The following PLEKHA5 variants were observed in gnomAD, a reference collection of about 807,000 sequenced individuals.
The protein encoded by PLEKHA5 is pleckstrin homology domain-containing family A member 5.
PLEKHA5 carries 55 observed loss-of-function variants against 181.9 expected under a neutral mutation model. The ratio of observed to expected loss-of-function variants is 0.30; its 90% CI spans 0.24 to 0.38. The LOEUF (loss-of-function observed/expected upper bound fraction) is 0.38. Ranked by LOEUF, PLEKHA5 falls within the 10% of genes least tolerant of loss-of-function variation. The probability of loss-of-function intolerance (pLI) is 1.00; values close to 1 mark genes in which losing one functional copy is unlikely to be tolerated. For missense variants in PLEKHA5, 1,432 were observed against 1,549.5 expected, an observed-to-expected ratio of 0.92 and a Z score of 1.27; for synonymous variants, 535 against 529.4, an observed-to-expected ratio of 1.01 and a Z score of -0.15.
chr12:19,252,930 T>C (rs900672187), intron 3 of PLEKHA5, among the ~76,000 whole-genome samples: 13 of 152,162 alleles, frequency 8.5e-5, no homozygotes, highest in South Asian at 6.2e-4. Context: ...AATGCACCCA[T>C]GTTGGACCAT....
At chr12:19,220,895 A>G (rs954138839) in intron 3 of PLEKHA5, among the ~76,000 whole-genome samples, 53 of 152,196 alleles carry the variant, frequency 3.5e-4, no homozygotes, top group African/African-American at 1.3e-3. Flanking sequence ...TGGCAAATGA[A>G]CATGCAAAAA....
At chr12:19,262,694 C>G (rs1720877576) in intron 7 of PLEKHA5, among the ~76,000 whole-genome samples, 1 of 152,164 alleles carries the variant, frequency 6.6e-6, no homozygotes, top group African/African-American at 2.4e-5. Flanking sequence ...AGAAGCCATG[C>G]TGATGGATAT....
rs112793196 is a variant in PLEKHA5, at chr12:19,365,141, G to A, written c.3609-823G>A. 2.6e-3 allele frequency among the ~76,000 whole-genome samples: 397 copies of A among 152,146 alleles called. 2 individuals carry two copies. Among genetic ancestry groups the A allele is most frequent in the African/African-American group, 9.2e-3 (381 of 41,508 alleles). On this transcript the variant is annotated intron_variant, in intron 29 of 31. Transcript: ENST00000429027. ...AATCCCACCACTTTGGGAGGCTGAG[G>A]TGGGCAGATCAAGAGGTCAGGAGAT... is the stretch of plus-strand genomic sequence containing the variant.
intron 3 of PLEKHA5, among the ~76,000 whole-genome samples, chr12:19,142,784 A>T (rs145595340): frequency 1.3e-5 from 2 of 152,130 alleles, no homozygotes; most frequent in Admixed American, 6.6e-5. Flanking sequence ...GTGTAACTCT[A>T]TACTCACTTT....
At position 19,299,371 on chromosome 12, in the gene PLEKHA5, C is replaced by A. The variant is rs28459883; in HGVS notation, c.2037+7674C>A. 5.8e-4 allele frequency among the ~76,000 whole-genome samples: 89 copies of A among 152,298 alleles called. 1 individual carries two copies. The highest frequency in any genetic ancestry group is 2.0e-3 in the African/African-American group (82 of 41,568). On this transcript the variant is annotated intron_variant, in intron 15 of 31. Transcript: ENST00000429027. ...CAGGAGAACAAAGGCTACCATAACACCTTATGTATATGAGATCCCTCATTA... is the reference window on the plus strand; with the variant it reads ...CAGGAGAACAAAGGCTACCATAACAACTTATGTATATGAGATCCCTCATTA...
chr12:19,358,078 G>A lies in PLEKHA5; in HGVS notation c.3139-150G>A, dbSNP rs529722419. The A allele has an allele frequency of 1.3e-5, 8 of 611,792 alleles. No homozygotes were observed. The East Asian group carries it at 1.9e-4, about 15-fold the overall frequency. The allele number at this position is 611,792 out of a possible 1,614,324, so 37.9% of individuals were successfully genotyped here. On this transcript the variant is annotated intron_variant, in intron 26 of 31. Coordinates refer to ENST00000429027, the MANE Select transcript of PLEKHA5 (RefSeq NM_001256470.2). ...TAAGGATCAAATAGCAATTTCATGTGCCTTTCTGGTGATATCTAAATGACA... is the reference window on the plus strand; with the variant it reads ...TAAGGATCAAATAGCAATTTCATGTACCTTTCTGGTGATATCTAAATGACA...
chr12:19,269,908 ATGG>A (rs2072041817), intron 9 of PLEKHA5, 23 bp downstream of exon 9: 1 of 1,241,418 alleles, frequency 8.1e-7, no homozygotes, highest in African/African-American at 1.5e-5. Context: ...AGAAAAAATG[ATGG>A]TGATTTCCAC....
At chr12:19,236,546 A>G (rs1333970928) in intron 3 of PLEKHA5, among the ~76,000 whole-genome samples, 1 of 152,090 alleles carries the variant, frequency 6.6e-6, no homozygotes, top group East Asian at 1.9e-4. Flanking sequence ...ACAAATATAT[A>G]TCATCTTGGA....
chr12:19,237,390 T>C (rs946281298), intron 3 of PLEKHA5, among the ~76,000 whole-genome samples: 1 of 152,114 alleles, frequency 6.6e-6, no homozygotes, highest in Non-Finnish European at 1.5e-5. Flanking sequence ...TATTGTTCCT[T>C]ATTTTTAACT....
intron 3 of PLEKHA5, among the ~76,000 whole-genome samples, chr12:19,216,335 G>A (rs1165823343): frequency 6.6e-6 from 1 of 152,076 alleles, no homozygotes; most frequent in African/African-American, 2.4e-5. Context: ...GTGATTCTTA[G>A]AGGTCCTAAA....
intron 17 of PLEKHA5, 41 bp downstream of exon 17, chr12:19,320,097 T>G (rs1333170123): frequency 2.1e-5 from 16 of 745,366 alleles, no homozygotes; most frequent in Non-Finnish European, 3.1e-5. Flanking sequence ...TACAATATGT[T>G]ATAGGTTTTG....
chr12:19,265,911 T>C (rs544164807), intron 8 of PLEKHA5, 61 bp downstream of exon 8: 3 of 832,698 alleles, frequency 3.6e-6, no homozygotes, highest in Admixed American at 2.0e-5. Context: ...AAAATGGATA[T>C]TGAGCCATAG....
chr12:19,369,296 A>G (rs2095516482), intron 30 of PLEKHA5, among the ~76,000 whole-genome samples: 1 of 151,632 alleles, frequency 6.6e-6, no homozygotes, highest in Non-Finnish European at 1.5e-5. Flanking sequence ...CGGCCTCCCA[A>G]AGTGGTGGGA....
rs200083877 is a variant in PLEKHA5, at chr12:19,274,896, G to A, written c.1226G>A (p.Arg409Gln). The A allele has an allele frequency of 6.8e-5, 110 of 1,613,924 alleles. No homozygotes were observed. In the East Asian group the frequency reaches 1.5e-3, roughly 22 times the overall value. Residue 409 changes from arginine to glutamine, a missense_variant, in exon 11 of 32, where the codon CGA becomes CAA. Around this residue, in one of 2 missense-constraint regions of PLEKHA5, gnomAD observed 1,143 missense variants for 1,168.4 expected, o/e 0.98. Coordinates refer to ENST00000429027, the MANE Select transcript of PLEKHA5 (RefSeq NM_001256470.2). The stretch of plus-strand genomic sequence containing the variant: ...GGGCCCTTATACACAGAGGCCGATC[G>A]AGTCATACAGAGAACAAATTCAATG... ...NTGPLYTEAD[R>Q]VIQRTNSMQQ...
intron 3 of PLEKHA5, among the ~76,000 whole-genome samples, chr12:19,249,192 A>G (rs1337469710): frequency 6.6e-6 from 1 of 152,198 alleles, no homozygotes; most frequent in Non-Finnish European, 1.5e-5. Flanking sequence ...TAGGCACAGT[A>G]AAAGATTAAC....
intron 11 of PLEKHA5, among the ~76,000 whole-genome samples, chr12:19,279,555 C>T (rs1475552778): frequency 6.6e-6 from 1 of 151,596 alleles, no homozygotes; most frequent in Non-Finnish European, 1.5e-5. Flanking sequence ...CACAGCTACT[C>T]GGGAGGCTGA....
At chr12:19,371,094 G>C (rs1276347527) in intron 31 of PLEKHA5, 1 of 150,802 alleles carries the variant, frequency 6.6e-6, no homozygotes, top group Non-Finnish European at 1.5e-5. Flanking sequence ...GCTCACTGAA[G>C]GCTGACCTCC....
intron 4 of PLEKHA5, 150 bp downstream of exon 4, chr12:19,254,173 T>C (rs1045340467): frequency 1.3e-5 from 8 of 628,622 alleles, no homozygotes; most frequent in East Asian, 2.8e-5. Context: ...ATGTGTCATA[T>C]AGAAACCTGA....
At chr12:19,134,076 G>T (rs117561653) in intron 3 of PLEKHA5, among the ~76,000 whole-genome samples, 1 of 152,038 alleles carries the variant, frequency 6.6e-6, no homozygotes, top group African/African-American at 2.4e-5. Flanking sequence ...ATTTCTTTGC[G>T]TGCATTCTTG....
Sources: allele counts gnomAD v4.1 joint callset (sites outside exome capture counted in the v4.1 genomes callset), GRCh38; gene constraint gnomAD v4.1.1; regional missense constraint gnomAD v4.1.1; transcripts MANE v1.5; gene names NCBI Gene and HGNC (gene_info 2026-07-23, HGNC 2026-07-21).